EFR3B: variants seen among roughly 807,000 people sequenced by gnomAD.
EFR3B encodes protein EFR3 homolog B.
In EFR3B, 64 loss-of-function variants were observed where a neutral mutation model predicts 104.7. That is an observed-to-expected ratio of 0.61 (90% CI 0.50 to 0.75). EFR3B has a LOEUF of 0.75. EFR3B is among the 30% of genes least tolerant of loss of function. The probability of loss-of-function intolerance (pLI) is 0.00; values close to 1 mark genes in which losing one functional copy is unlikely to be tolerated. For synonymous variants in EFR3B, 385 were observed against 417.9 expected, an observed-to-expected ratio of 0.92 and a Z score of 0.96; for missense variants, 750 against 1,078.5, an observed-to-expected ratio of 0.70 and a Z score of 4.27.
intron 1 of EFR3B, among the ~76,000 whole-genome samples, chr2:25,060,570 G>C (rs180926459): frequency 5.3e-5 from 8 of 152,168 alleles, no homozygotes; most frequent in Admixed American, 3.9e-4. Context: ...TGTTAGGGGT[G>C]GTCTGAGTTA....
At chr2:25,074,212 C>T (rs185498222) in intron 1 of EFR3B, among the ~76,000 whole-genome samples, 185 of 152,282 alleles carry the variant, frequency 1.2e-3, no homozygotes, top group Admixed American at 3.5e-3. Context: ...GCTCTTGTGC[C>T]TCCATGGCCC....
rs1670542448 is a variant in EFR3B, at chr2:25,137,298, C to T, written c.1561-43C>T. Reference sequence around the variant, plus strand: ...CCGTGTTCTCCTTGCCCCTCCTGTCCCCATCCCTCCGACCCTGGCCTTCTG... The same window carrying T: ...CCGTGTTCTCCTTGCCCCTCCTGTCTCCATCCCTCCGACCCTGGCCTTCTG... On this transcript the variant is annotated intron_variant, in intron 14 of 22. Coordinates refer to ENST00000403714, the MANE Select transcript of EFR3B (RefSeq NM_014971.2). This position sits in a 1 kb window ranked among gnomAD's most constrained non-coding sequence, Gnocchi z 4.7. The T allele has an allele frequency of 6.5e-7, 1 of 1,548,832 alleles. No individual in the cohort carries two copies. Among genetic ancestry groups the T allele is most frequent in the Non-Finnish European group, 8.7e-7 (1 of 1,145,226 alleles).
intron 1 of EFR3B, among the ~76,000 whole-genome samples, chr2:25,083,751 A>G (rs1668874013): frequency 6.6e-6 from 1 of 152,190 alleles, no homozygotes; most frequent in Admixed American, 6.5e-5. Context: ...AAGAGCTAGA[A>G]TTTCATCCTA....
intron 17 of EFR3B, among the ~76,000 whole-genome samples, 152 bp from the exon 18 acceptor site, chr2:25,143,583 C>T (rs1391523115): frequency 6.6e-6 from 1 of 152,050 alleles, no homozygotes; most frequent in Non-Finnish European, 1.5e-5. Flanking sequence ...TCGCTTGAAC[C>T]TGGAAGGCGG....
chr2:25,135,278 G>A (rs530546248), intron 12 of EFR3B, among the ~76,000 whole-genome samples, 189 bp from the exon 13 acceptor site: 4 of 152,242 alleles, frequency 2.6e-5, no homozygotes, highest in African/African-American at 7.2e-5. Context: ...TACTGAGCTC[G>A]GTGTCATCTA....
Position 25,080,937 on chromosome 2 carries a change from T to G in EFR3B, c.8-10388T>G, listed in dbSNP as rs986224616. 2.6e-5 allele frequency: 20 copies of G among 767,772 alleles called. 2 individuals are homozygous for G. The South Asian group carries it at 2.7e-4, about 11-fold the overall frequency. 47.6% of individuals were successfully genotyped at this position (767,772 alleles called of 1,614,324 possible). A position where few individuals can be genotyped will look rare whatever the true frequency, so the allele number is the denominator to read the frequency against. ...AATATTAGGTGGAAATCCCATCTTCTGTTCAAGCCGGAGAGCTTGTTCCTT... is the reference window on the plus strand; with the variant it reads ...AATATTAGGTGGAAATCCCATCTTCGGTTCAAGCCGGAGAGCTTGTTCCTT... On this transcript the variant is annotated intron_variant, in intron 1 of 22. Coordinates refer to ENST00000403714, the MANE Select transcript of EFR3B (RefSeq NM_014971.2).
intron 1 of EFR3B, 92 bp from the exon 2 acceptor site, chr2:25,091,233 C>T: frequency 8.2e-7 from 1 of 1,226,552 alleles, no homozygotes; most frequent in Non-Finnish European, 1.2e-6. Context: ...TGTCTGTTTC[C>T]TGCCACTCAC....
intron 3 of EFR3B, among the ~76,000 whole-genome samples, chr2:25,094,332 G>A (rs146959938): frequency 2.2e-3 from 311 of 144,344 alleles, no homozygotes; most frequent in African/African-American, 7.9e-3. Flanking sequence ...TTTAAGAGAC[G>A]AACAACAAAA....
At chr2:25,119,672 C>T (rs902956702) in intron 4 of EFR3B, among the ~76,000 whole-genome samples, 8 of 152,162 alleles carry the variant, frequency 5.3e-5, no homozygotes, top group African/African-American at 1.9e-4. Flanking sequence ...ATATATGAAT[C>T]CATTTTAGAT....
Position 25,151,840 on chromosome 2 carries a change from G to A in EFR3B, c.2192-74G>A, listed in dbSNP as rs533167006. The A allele has an allele frequency of 4.1e-4, 610 of 1,480,368 alleles. 4 individuals are homozygous for A. The African/African-American group carries it at 7.6e-3, about 18-fold the overall frequency. The allele number at this position is 1,480,368 out of a possible 1,614,324, so 91.7% of individuals were successfully genotyped here. A position where few individuals can be genotyped will look rare whatever the true frequency, so the allele number is the denominator to read the frequency against. Reference sequence around the variant, plus strand: ...AGAGCCCAAGCAATGCTCATGGACAGTGCTCCCTGGAGGAGTCCCTCCCTT... The same window carrying A: ...AGAGCCCAAGCAATGCTCATGGACAATGCTCCCTGGAGGAGTCCCTCCCTT... On this transcript the variant is annotated intron_variant, in intron 20 of 22. Coordinates refer to ENST00000403714, the MANE Select transcript of EFR3B (RefSeq NM_014971.2).
chr2:25,086,567 G>A (rs752070012), intron 1 of EFR3B, among the ~76,000 whole-genome samples: 2 of 152,138 alleles, frequency 1.3e-5, no homozygotes, highest in Non-Finnish European at 2.9e-5. Flanking sequence ...CTCCTTTGCT[G>A]CGATGTCTAT....
intron 1 of EFR3B, among the ~76,000 whole-genome samples, chr2:25,087,227 CT>C (rs1325357209): frequency 2.6e-5 from 4 of 152,072 alleles, no homozygotes; most frequent in Non-Finnish European, 5.9e-5. Context: ...TTACCTCCCC[CT>C]AGGTCCCTCC....
Position 25,092,924 on chromosome 2 carries a change from G to A in EFR3B, c.85-79G>A, listed in dbSNP as rs942698602. The A allele has an allele frequency of 4.2e-5, 62 of 1,492,292 alleles. No individual in the cohort carries two copies. In the African/African-American group the frequency reaches 5.9e-4, roughly 14 times the overall value. The allele number at this position is 1,492,292 out of a possible 1,614,324, so 92.4% of individuals were successfully genotyped here. On this transcript the variant is annotated intron_variant, in intron 2 of 22. Coordinates refer to ENST00000403714, the MANE Select transcript of EFR3B (RefSeq NM_014971.2). ...ACACTCTGTAAATGTTGATTCCGTC[G>A]AATTATTATTTTTCTCTAGACTTGA...
At chr2:25,048,874 G>A (rs566783379) in intron 1 of EFR3B, among the ~76,000 whole-genome samples, 33 of 152,266 alleles carry the variant, frequency 2.2e-4, no homozygotes, top group South Asian at 1.7e-3. Context: ...TCTGTCTTGT[G>A]TCTTTATTTC....
intron 1 of EFR3B, among the ~76,000 whole-genome samples, chr2:25,072,508 C>G (rs1558590232): frequency 6.6e-6 from 1 of 152,162 alleles, no homozygotes; most frequent in Admixed American, 6.5e-5. Context: ...TCTTGAACTC[C>G]TGGGCCCAAG....
chr2:25,068,596 G>A (rs958119710), intron 1 of EFR3B, among the ~76,000 whole-genome samples: 6 of 151,652 alleles, frequency 4.0e-5, no homozygotes, highest in African/African-American at 1.2e-4. Flanking sequence ...AAGATTCACC[G>A]TATGATCTGT....
At chr2:25,055,059 G>A (rs1167396940) in intron 1 of EFR3B, among the ~76,000 whole-genome samples, 1 of 152,238 alleles carries the variant, frequency 6.6e-6, no homozygotes, top group Non-Finnish European at 1.5e-5. Context: ...CAATTCAGGA[G>A]AACTCTTTGG....
At chr2:25,113,823 G>A (rs961565601) in intron 4 of EFR3B, among the ~76,000 whole-genome samples, 5 of 152,200 alleles carry the variant, frequency 3.3e-5, no homozygotes, top group South Asian at 4.1e-4. Flanking sequence ...GACAGGTGAG[G>A]CAGGTAGAGC....
At position 25,137,644 on chromosome 2, in the gene EFR3B, C is replaced by G; in HGVS notation, c.1722+142C>G. The G allele has an allele frequency of 8.2e-7, 1 of 1,222,484 alleles. No individual in the cohort carries two copies. The highest frequency in any genetic ancestry group is 1.1e-6 in the Non-Finnish European group (1 of 886,592). The allele number at this position is 1,222,484 out of a possible 1,614,324, so 75.7% of individuals were successfully genotyped here. A position where few individuals can be genotyped will look rare whatever the true frequency, so the allele number is the denominator to read the frequency against. The stretch of plus-strand genomic sequence containing the variant: ...ATATTGTACTCGTGGTTGGCCACGC[C>G]TCCCTGAAGACCCCAAACCATGGTC... On this transcript the variant is annotated intron_variant, in intron 15 of 22. Coordinates refer to ENST00000403714, the MANE Select transcript of EFR3B (RefSeq NM_014971.2). This position sits in a 1 kb window ranked among gnomAD's most constrained non-coding sequence, Gnocchi z 4.7.
Sources: gnomAD v4.1 joint callset for allele counts (sites outside exome capture counted in the v4.1 genomes callset) on GRCh38, gnomAD v4.1.1 for gene constraint, Gnocchi (gnomAD v3.1) non-coding constraint, MANE v1.5 for transcripts, NCBI Gene and HGNC (gene_info 2026-07-23, HGNC 2026-07-21) for gene names.